The following SERGEF variants were observed in gnomAD, a reference collection of about 807,000 sequenced individuals.
SERGEF encodes secretion-regulating guanine nucleotide exchange factor.
SERGEF carries 51 observed loss-of-function variants against 50.0 expected under a neutral mutation model. The observed-to-expected ratio is 1.02, with a 90% confidence interval of 0.81 to 1.29. The LOEUF (loss-of-function observed/expected upper bound fraction) is 1.29. Among genes scored for constraint, SERGEF ranks in the 50% most tolerant of loss-of-function variants. The probability of loss-of-function intolerance (pLI) is 0.00; values close to 1 mark genes in which losing one functional copy is unlikely to be tolerated. For missense variants in SERGEF, 521 were observed against 557.0 expected, an observed-to-expected ratio of 0.94 and a Z score of 0.65; for synonymous variants, 205 against 212.4, an observed-to-expected ratio of 0.97 and a Z score of 0.30.
chr11:17,988,614 T>G lies in SERGEF; in HGVS notation c.827A>C (p.His276Pro). ...KVTAIWSGWT[H>P]LVAQTETGKM... is the part of the protein sequence containing the mutation. ...TGTCTCACCTGTCTGAGCAACCAGG[T>G]GTGTCCATCCACTCCAGATGGCAGT... The change falls in exon 8 of 11, where the codon CAC becomes CCC. Residue 276 changes from histidine to proline, a missense_variant. Coordinates refer to ENST00000265965, the MANE Select transcript of SERGEF (RefSeq NM_012139.4). 6.2e-7 allele frequency: 1 copy of G among 1,614,064 alleles called. No homozygotes were observed. The highest frequency in any genetic ancestry group is 8.5e-7 in the Non-Finnish European group (1 of 1,179,998).
intron 10 of SERGEF, among the ~76,000 whole-genome samples, chr11:17,803,085 G>A (rs906022750): frequency 1.3e-5 from 2 of 152,220 alleles, no homozygotes; most frequent in Non-Finnish European, 2.9e-5. Context: ...TCAAAGTGCT[G>A]GGCAGACCAT....
At chr11:17,913,259 C>T (rs1040163696) in intron 9 of SERGEF, among the ~76,000 whole-genome samples, 4 of 152,212 alleles carry the variant, frequency 2.6e-5, no homozygotes, top group Admixed American at 2.6e-4. Context: ...CCACTTTCTT[C>T]CAGCCCCACA....
intron 10 of SERGEF, among the ~76,000 whole-genome samples, chr11:17,836,395 C>T (rs1002188363): frequency 9.3e-4 from 142 of 152,354 alleles, no homozygotes; most frequent in African/African-American, 3.1e-3. Flanking sequence ...AAGCCTCATA[C>T]TTTCATGCCT....
chr11:17,914,753 C>T (rs1852017295), intron 9 of SERGEF, among the ~76,000 whole-genome samples: 1 of 152,160 alleles, frequency 6.6e-6, no homozygotes, highest in East Asian at 1.9e-4. Context: ...CACATAGTTT[C>T]TAGCTTCTTT....
intron 10 of SERGEF, among the ~76,000 whole-genome samples, chr11:17,801,798 G>A (rs1849674302): frequency 6.6e-6 from 1 of 152,098 alleles, no homozygotes; most frequent in East Asian, 1.9e-4. Context: ...GTGAGCAGCG[G>A]GCAGCTCAAG....
intron 9 of SERGEF, among the ~76,000 whole-genome samples, chr11:17,951,798 C>G (rs1041984377): frequency 1.3e-5 from 2 of 152,144 alleles, no homozygotes; most frequent in Non-Finnish European, 2.9e-5. Flanking sequence ...TCTTTCTCAA[C>G]TTCAGTTTCC....
chr11:17,964,664 G>A (rs1205548528), intron 8 of SERGEF, among the ~76,000 whole-genome samples: 1 of 152,162 alleles, frequency 6.6e-6, no homozygotes, highest in Non-Finnish European at 1.5e-5. Context: ...ATTCCAGGAT[G>A]TTACAAGGTC....
At chr11:17,832,417 T>A (rs998395072) in intron 10 of SERGEF, among the ~76,000 whole-genome samples, 1 of 152,220 alleles carries the variant, frequency 6.6e-6, no homozygotes, top group Non-Finnish European at 1.5e-5. Context: ...GTAAGTCCAA[T>A]TTAACCTCTT....
At chr11:17,950,340 A>G (rs1339604984) in intron 9 of SERGEF, among the ~76,000 whole-genome samples, 1 of 152,292 alleles carries the variant, frequency 6.6e-6, no homozygotes, top group Non-Finnish European at 1.5e-5. Flanking sequence ...ACCCATTGAG[A>G]ATAGAGGCTG....
chr11:17,985,243 C>T (rs1853570131), intron 8 of SERGEF, among the ~76,000 whole-genome samples: 1 of 152,214 alleles, frequency 6.6e-6, no homozygotes. Context: ...GCAGCCATCA[C>T]TTATGTATGC....
In SERGEF at chr11:17,888,628, TACACACACACACACACACAC is replaced by T. The variant is rs58279017; in HGVS notation, c.1012-10404_1012-10385del. 0.079 allele frequency among the ~76,000 whole-genome samples: 11,384 copies of T among 143,826 alleles called. 527 individuals are homozygous for T. Among genetic ancestry groups the T allele is most frequent in the African/African-American group, 0.11 (4,239 of 38,492 alleles). 94.4% of individuals were successfully genotyped at this position (143,826 alleles called of 152,430 possible). ...AGTTATCAGTATGAACTCACAGTTT[TACACACACACACACACACAC>T]ACACACACACACACACACACACACA... On this transcript the variant is annotated intron_variant, in intron 9 of 10. Transcript: ENST00000265965. This position sits in a 1 kb window ranked among gnomAD's most constrained non-coding sequence, Gnocchi z 4.1.
chr11:17,848,903 G>C (rs1850664837), intron 10 of SERGEF, among the ~76,000 whole-genome samples: 1 of 152,168 alleles, frequency 6.6e-6, no homozygotes, highest in Non-Finnish European at 1.5e-5. Flanking sequence ...GGCCCAAAGA[G>C]GTTCCATGTC....
chr11:17,936,072 G>A (rs1041670553), intron 9 of SERGEF, among the ~76,000 whole-genome samples: 1 of 152,112 alleles, frequency 6.6e-6, no homozygotes, highest in Non-Finnish European at 1.5e-5. Context: ...AATTTCCCAG[G>A]ACTCTATCTA....
At chr11:18,003,513 A>G in intron 4 of SERGEF, among the ~76,000 whole-genome samples, 1 of 152,364 alleles carries the variant, frequency 6.6e-6, no homozygotes, top group Admixed American at 6.5e-5. Flanking sequence ...GACTTAGTAC[A>G]AAATCAGTAT....
intron 10 of SERGEF, among the ~76,000 whole-genome samples, chr11:17,847,706 T>C (rs1054828501): frequency 6.6e-6 from 1 of 152,032 alleles, no homozygotes; most frequent in Non-Finnish European, 1.5e-5. Flanking sequence ...ATCAAAGAAT[T>C]AGGAAGATTT....
At chr11:18,012,920 C>A (rs1277245739) in intron 1 of SERGEF, 31 bp downstream of exon 1, 14 of 1,523,856 alleles carry the variant, frequency 9.2e-6, no homozygotes, top group East Asian at 2.6e-5. Context: ...CCCCTCAGGG[C>A]CTGCACCGGC....
intron 10 of SERGEF, among the ~76,000 whole-genome samples, chr11:17,873,517 T>C (rs1851185108): frequency 6.6e-6 from 1 of 152,248 alleles, no homozygotes; most frequent in Non-Finnish European, 1.5e-5. Flanking sequence ...ATGAAATTGC[T>C]TGATGGTTTC....
At chr11:18,002,667 C>G (rs1853989604) in intron 4 of SERGEF, among the ~76,000 whole-genome samples, 1 of 152,176 alleles carries the variant, frequency 6.6e-6, no homozygotes, top group South Asian at 2.1e-4. Context: ...GATATACATG[C>G]ATCTGTCATA....
At chr11:17,912,355 C>A (rs1323291685) in intron 9 of SERGEF, among the ~76,000 whole-genome samples, 1 of 152,090 alleles carries the variant, frequency 6.6e-6, no homozygotes, top group Non-Finnish European at 1.5e-5. Context: ...TTTAAAAAAA[C>A]ACAGGGAATC....
Sources: gnomAD v4.1 joint callset for allele counts (sites outside exome capture counted in the v4.1 genomes callset) on GRCh38, gnomAD v4.1.1 for gene constraint, Gnocchi (gnomAD v3.1) non-coding constraint, MANE v1.5 for transcripts, NCBI Gene and HGNC (gene_info 2026-07-23, HGNC 2026-07-21) for gene names.